Variants in VAC14 observed in about 807,000 individuals in gnomAD.
VAC14 encodes the protein VAC14 component of PIKFYVE complex.
In VAC14, 47 loss-of-function variants were observed where a neutral mutation model predicts 85.3. That is an observed-to-expected ratio of 0.55 (90% CI 0.44 to 0.70). The LOEUF (loss-of-function observed/expected upper bound fraction) is 0.70, where lower values mean the gene tolerates loss of function less well. VAC14 is among the 30% of genes least tolerant of loss of function. VAC14 has a pLI of 0.00. For synonymous variants in VAC14, 447 were observed against 430.5 expected, an observed-to-expected ratio of 1.04 and a Z score of -0.47; for missense variants, 861 against 1,004.3, an observed-to-expected ratio of 0.86 and a Z score of 1.93.
At chr16:70,787,755 G>A (rs1312317857) in intron 1 of VAC14, among the ~76,000 whole-genome samples, 3 of 152,214 alleles carry the variant, frequency 2.0e-5, no homozygotes, top group Non-Finnish European at 4.4e-5. Flanking sequence ...GGTAGCAGAG[G>A]TGAGGATGCG....
intron 12 of VAC14, among the ~76,000 whole-genome samples, chr16:70,746,137 C>T (rs185658553): frequency 6.6e-6 from 1 of 152,232 alleles, no homozygotes; most frequent in Admixed American, 6.5e-5. Context: ...GTGCCTCCCC[C>T]ACACTGCCCA....
intron 14 of VAC14, among the ~76,000 whole-genome samples, chr16:70,720,583 G>C (rs920294085): frequency 6.6e-6 from 1 of 152,246 alleles, no homozygotes; most frequent in Non-Finnish European, 1.5e-5. Flanking sequence ...GAGTTGTCAA[G>C]TTTGGATGAC....
intron 14 of VAC14, among the ~76,000 whole-genome samples, chr16:70,727,531 G>A (rs1258296156): frequency 6.6e-6 from 1 of 152,126 alleles, no homozygotes; most frequent in African/African-American, 2.4e-5. Flanking sequence ...GTAGAAACGG[G>A]GTTTCGCTAT....
intron 1 of VAC14, 80 bp from the exon 2 acceptor site, chr16:70,786,445 A>C: frequency 6.4e-7 from 1 of 1,561,224 alleles, no homozygotes; most frequent in African/African-American, 1.4e-5. Flanking sequence ...GCAATGAGGA[A>C]GGGAGATGAC....
intron 13 of VAC14, among the ~76,000 whole-genome samples, chr16:70,735,110 C>T (rs545164116): frequency 2.1e-4 from 32 of 152,278 alleles, no homozygotes; most frequent in Non-Finnish European, 3.4e-4. Flanking sequence ...CAGGAAATGA[C>T]GCTGTGAAGA....
chr16:70,700,600 T>C (rs1313257145), intron 14 of VAC14, among the ~76,000 whole-genome samples: 1 of 152,158 alleles, frequency 6.6e-6, no homozygotes, highest in African/African-American at 2.4e-5. Context: ...AGGCTAGTCC[T>C]CTGGGGAGCT....
At chr16:70,756,119 TGAGGCTG>T (rs1034956479) in intron 12 of VAC14, 1 of 456,516 alleles carries the variant, frequency 2.2e-6, no homozygotes, top group Non-Finnish European at 4.4e-6. Flanking sequence ...CCGGATGGCA[TGAGGCTG>T]GAGAAGGAAA....
At position 70,773,904 on chromosome 16, in the gene VAC14, T is replaced by G. The variant is rs200864829; in HGVS notation, c.1097-1732A>C. Among the ~76,000 whole-genome samples the G allele has an allele frequency of 1.4e-4, 21 of 152,114 alleles. 1 individual carries two copies. The East Asian group carries it at 2.9e-3, about 21-fold the overall frequency. ...CCTCAGCTTCCAGGGTAGCTGGGAC[T>G]ATAGGCACGTACCATTAAGCCCGGA... On this transcript the variant is annotated intron_variant, in intron 9 of 18. Transcript: ENST00000261776.
At chr16:70,799,309 G>C (rs973581243) in intron 1 of VAC14, among the ~76,000 whole-genome samples, 1 of 152,088 alleles carries the variant, frequency 6.6e-6, no homozygotes, top group African/African-American at 2.4e-5. Flanking sequence ...GCTAGCATTC[G>C]TGAGAGTCAG....
chr16:70,783,584 G>A (rs745426816), intron 5 of VAC14, 30 bp from the exon 6 acceptor site: 24 of 1,603,536 alleles, frequency 1.5e-5, no homozygotes, highest in Non-Finnish European at 1.1e-5. Context: ...AGGAGGGGAA[G>A]TCAGCTCCAG....
At chr16:70,740,897 C>T (rs747075676) in intron 13 of VAC14, among the ~76,000 whole-genome samples, 8 of 152,244 alleles carry the variant, frequency 5.3e-5, no homozygotes, top group Non-Finnish European at 7.3e-5. Flanking sequence ...GGCGACTCTG[C>T]CTCGGGGGGC....
intron 13 of VAC14, among the ~76,000 whole-genome samples, chr16:70,739,434 T>A (rs937041523): frequency 1.9e-4 from 29 of 152,134 alleles, no homozygotes; most frequent in African/African-American, 6.5e-4. Flanking sequence ...GTCTCTGAAG[T>A]CACTGTGAAG....
At position 70,800,918 on chromosome 16, in the gene VAC14, C is replaced by T; in HGVS notation, c.-18G>A. The stretch of plus-strand genomic sequence containing the variant: ...GGGTTCATGGTGGCAGCTGGGGGAA[C>T]CTCGCGACTCCTTAGCCCGCGGCTG... On this transcript the variant is annotated 5_prime_UTR_variant, in exon 1 of 19. Coordinates refer to ENST00000261776, the MANE Select transcript of VAC14 (RefSeq NM_018052.5). 1 of 1,557,536 alleles carries T rather than the reference C, an allele frequency of 6.4e-7. No homozygotes were observed. Among genetic ancestry groups the T allele is most frequent in the Non-Finnish European group, 8.7e-7 (1 of 1,149,844 alleles).
rs759704672 is a variant in VAC14 at position 70,782,019 on chromosome 16, G to C, written c.812-16C>G. On this transcript the variant is annotated splice_polypyrimidine_tract_variant and intron_variant, in intron 7 of 18. Transcript: ENST00000261776. Reference sequence around the variant, plus strand: ...ATGAGGTCATCTGGAAGGGGAATCAGGGGGTTCAGAGGGGCCAGCACACGC... The same window carrying C: ...ATGAGGTCATCTGGAAGGGGAATCACGGGGTTCAGAGGGGCCAGCACACGC... 7 of 1,612,414 alleles carry C rather than the reference G, an allele frequency of 4.3e-6. No homozygotes were observed. In the South Asian group the frequency reaches 7.7e-5, roughly 18 times the overall value.
chr16:70,694,401 A>C (rs1293194934), intron 17 of VAC14, among the ~76,000 whole-genome samples: 3 of 152,146 alleles, frequency 2.0e-5, no homozygotes, highest in African/African-American at 7.2e-5. Flanking sequence ...GACAGGCTTT[A>C]GCGCACTCTG....
chr16:70,770,722 C>G (rs1464309793), intron 10 of VAC14: 1 of 152,232 alleles, frequency 6.6e-6, no homozygotes, highest in Middle Eastern at 3.2e-3. Flanking sequence ...CATTCAGGGG[C>G]CAGCTCTTAT....
At chr16:70,748,941 A>G (rs937247844) in intron 12 of VAC14, among the ~76,000 whole-genome samples, 1 of 152,212 alleles carries the variant, frequency 6.6e-6, no homozygotes, top group Non-Finnish European at 1.5e-5. Context: ...TGTCTCAAAA[A>G]CAAAACAAAA....
At chr16:70,752,749 G>A (rs1342657354) in intron 12 of VAC14, among the ~76,000 whole-genome samples, 1 of 152,254 alleles carries the variant, frequency 6.6e-6, no homozygotes, top group Admixed American at 6.5e-5. Flanking sequence ...TGCTGTGGGA[G>A]GGCCCAATGC....
chr16:70,782,226 C>T lies in VAC14; in HGVS notation c.812-223G>A, dbSNP rs78369608. Among the ~76,000 whole-genome samples, 6,402 of 152,340 alleles carry T rather than the reference C, an allele frequency of 0.042. 467 individuals carry two copies. The highest frequency in any genetic ancestry group is 0.14 in the African/African-American group (6,009 of 41,556). On this transcript the variant is annotated intron_variant, in intron 7 of 18. Transcript: ENST00000261776. Reference sequence around the variant, plus strand: ...CTGTGCTAGACTGTAAGGGCAGCCGCATCCCTGCCCCTCTGCACTGGGACT... The same window carrying T: ...CTGTGCTAGACTGTAAGGGCAGCCGTATCCCTGCCCCTCTGCACTGGGACT...
Sources: gnomAD v4.1 joint callset for allele counts (sites outside exome capture counted in the v4.1 genomes callset) on GRCh38, gnomAD v4.1.1 for gene constraint, MANE v1.5 for transcripts, NCBI Gene and HGNC (gene_info 2026-07-23, HGNC 2026-07-21) for gene names.